Variants in NELL1 observed in about 807,000 individuals in gnomAD.
NELL1 encodes protein kinase C-binding protein NELL1.
Under a neutral mutation model 107.4 loss-of-function variants are expected in NELL1, and 76 were observed. The ratio of observed to expected loss-of-function variants is 0.71; its 90% CI spans 0.59 to 0.86. NELL1 has a LOEUF of 0.86. Among genes scored for constraint, NELL1 ranks in the 40% least tolerant of loss-of-function variants. The probability of loss-of-function intolerance (pLI) is 0.00; values close to 1 mark genes in which losing one functional copy is unlikely to be tolerated. For missense variants in NELL1, 1,024 were observed against 1,005.5 expected, an observed-to-expected ratio of 1.02 and a Z score of -0.25; for synonymous variants, 353 against 341.2, an observed-to-expected ratio of 1.03 and a Z score of -0.38.
At chr11:20,676,189 C>T (rs1854051573) in intron 1 of NELL1, among the ~76,000 whole-genome samples, 1 of 152,064 alleles carries the variant, frequency 6.6e-6, no homozygotes, top group Admixed American at 6.5e-5. Context: ...CCCATCTTGC[C>T]TTTTCTAGTC....
At chr11:21,177,172 C>T (rs748566180) in intron 13 of NELL1, among the ~76,000 whole-genome samples, 2 of 151,650 alleles carry the variant, frequency 1.3e-5, no homozygotes, top group Admixed American at 6.6e-5. Context: ...GAACTATAGT[C>T]GCCATGCTAT....
At chr11:21,564,397 G>A (rs1856922509) in intron 17 of NELL1, among the ~76,000 whole-genome samples, 1 of 151,946 alleles carries the variant, frequency 6.6e-6, no homozygotes, top group South Asian at 2.1e-4. Context: ...CTCCTGAGTA[G>A]CATGTTTGAG....
intron 3 of NELL1, among the ~76,000 whole-genome samples, chr11:20,820,326 C>T (rs1590325121): frequency 6.6e-6 from 1 of 152,336 alleles, no homozygotes; most frequent in East Asian, 1.9e-4. Context: ...TACACCCATT[C>T]TGCTCTTTTC....
At chr11:21,426,485 T>C (rs886612775) in intron 15 of NELL1, among the ~76,000 whole-genome samples, 1 of 152,198 alleles carries the variant, frequency 6.6e-6, no homozygotes, top group Non-Finnish European at 1.5e-5. Context: ...TCATGAAAAG[T>C]GGGTATTTGA....
At chr11:20,760,256 G>C (rs984188901) in intron 2 of NELL1, among the ~76,000 whole-genome samples, 3 of 152,220 alleles carry the variant, frequency 2.0e-5, no homozygotes, top group Admixed American at 6.5e-5. Context: ...TGCACCATCA[G>C]TGAAAGATTT....
At chr11:21,210,498 T>A (rs1163736100) in intron 13 of NELL1, among the ~76,000 whole-genome samples, 7 of 152,192 alleles carry the variant, frequency 4.6e-5, no homozygotes. Flanking sequence ...GAGAATCTTT[T>A]CATGTGCCTC....
chr11:20,829,842 A>C (rs1365446939), intron 3 of NELL1, among the ~76,000 whole-genome samples: 1 of 151,892 alleles, frequency 6.6e-6, no homozygotes, highest in Non-Finnish European at 1.5e-5. Context: ...TTCTCTGTGC[A>C]TCACGTGAAA....
chr11:21,508,370 T>A (rs1401360675), intron 15 of NELL1, among the ~76,000 whole-genome samples: 2 of 152,118 alleles, frequency 1.3e-5, no homozygotes, highest in African/African-American at 4.8e-5. Flanking sequence ...TAGTTAAAAA[T>A]CAGTACTCAC....
intron 14 of NELL1, among the ~76,000 whole-genome samples, chr11:21,359,787 A>G (rs899045443): frequency 6.6e-6 from 1 of 152,152 alleles, no homozygotes; most frequent in Non-Finnish European, 1.5e-5. Flanking sequence ...TTAGGTGTTC[A>G]CAGTAACCTT....
chr11:21,219,036 T>C (rs534605089), intron 13 of NELL1, among the ~76,000 whole-genome samples: 1 of 152,170 alleles, frequency 6.6e-6, no homozygotes, highest in African/African-American at 2.4e-5. Flanking sequence ...AGTGGTTCTA[T>C]TTTTAGTTTA....
At chr11:21,465,729 G>C (rs1018776199) in intron 15 of NELL1, among the ~76,000 whole-genome samples, 1 of 152,028 alleles carries the variant, frequency 6.6e-6, no homozygotes. Flanking sequence ...CCAGGCAAAA[G>C]CTCATTCTAA....
At chr11:21,174,611 G>A (rs1342528439) in intron 13 of NELL1, among the ~76,000 whole-genome samples, 2 of 151,804 alleles carry the variant, frequency 1.3e-5, no homozygotes, top group African/African-American at 2.4e-5. Flanking sequence ...GGAAGGACAT[G>A]TGGGAGTATG....
intron 2 of NELL1, among the ~76,000 whole-genome samples, chr11:20,716,028 G>A (rs912084663): frequency 6.6e-6 from 1 of 152,152 alleles, no homozygotes; most frequent in Admixed American, 6.5e-5. Flanking sequence ...TAAAATGTAA[G>A]TGAAAAAAAG....
intron 13 of NELL1, among the ~76,000 whole-genome samples, chr11:21,170,611 GCTGT>G (rs1217840035): frequency 6.6e-6 from 1 of 150,754 alleles, no homozygotes; most frequent in African/African-American, 2.5e-5. Context: ...AGTGTCAGTA[GCTGT>G]CTATCCATCC....
intron 13 of NELL1, among the ~76,000 whole-genome samples, chr11:21,194,380 C>G (rs578011255): frequency 6.6e-6 from 1 of 152,122 alleles, no homozygotes; most frequent in Non-Finnish European, 1.5e-5. Context: ...AAAGGAGGAC[C>G]GGGTTGCTCA....
At chr11:21,537,177 A>G (rs1364865161) in intron 16 of NELL1, among the ~76,000 whole-genome samples, 1 of 152,158 alleles carries the variant, frequency 6.6e-6, no homozygotes, top group African/African-American at 2.4e-5. Flanking sequence ...GGTAGTTGGG[A>G]GTACTCTGTT....
At chr11:21,176,563 A>G (rs1856716944) in intron 13 of NELL1, among the ~76,000 whole-genome samples, 1 of 151,818 alleles carries the variant, frequency 6.6e-6, no homozygotes, top group Non-Finnish European at 1.5e-5. Context: ...TTGAATAGTC[A>G]CTATAGCATT....
At chr11:20,855,127 TA>T (rs1327171270) in intron 4 of NELL1, among the ~76,000 whole-genome samples, 1 of 152,184 alleles carries the variant, frequency 6.6e-6, no homozygotes, top group Non-Finnish European at 1.5e-5. Context: ...TATGTTCTAT[TA>T]ACATCAGTAG....
intron 14 of NELL1, among the ~76,000 whole-genome samples, chr11:21,290,432 T>TAAATAAAA (rs1447567905): frequency 4.6e-5 from 7 of 150,726 alleles, no homozygotes; most frequent in Non-Finnish European, 8.9e-5. Flanking sequence ...AATAAATAAA[T>TAAATAAAA]ATTCCTTCCT....
Sources: allele counts gnomAD v4.1 joint callset (sites outside exome capture counted in the v4.1 genomes callset), GRCh38; gene constraint gnomAD v4.1.1; transcripts MANE v1.5; gene names NCBI Gene and HGNC (gene_info 2026-07-23, HGNC 2026-07-21).